Variants in CHSY3 observed in about 807,000 individuals in gnomAD.
CHSY3 encodes chondroitin sulfate synthase 3.
CHSY3 carries 35 observed loss-of-function variants against 67.2 expected under a neutral mutation model. The ratio of observed to expected loss-of-function variants is 0.52; its 90% confidence interval spans 0.40 to 0.69. The LOEUF is 0.69. Ranked by LOEUF, CHSY3 falls within the 30% of genes least tolerant of loss-of-function variation. CHSY3 has a pLI of 0.00. For synonymous variants in CHSY3, 474 were observed against 434.7 expected, an observed-to-expected ratio of 1.09 and a Z score of -1.12; for missense variants, 1,069 against 1,138.5, an observed-to-expected ratio of 0.94 and a Z score of 0.88.
Position 130,186,444 on chromosome 5 carries a change from C to A in CHSY3, c.*653C>A, listed in dbSNP as rs1214592985. ...TCTTATGACAATTATGAGCTCCTCA[C>A]AACTGTCTGCTATAAATGCGAATGA... is the stretch of plus-strand genomic sequence containing the variant. On this transcript the variant is annotated 3_prime_UTR_variant, in exon 3 of 3. Coordinates refer to ENST00000305031, the MANE Select transcript of CHSY3 (RefSeq NM_175856.5). The A allele has an allele frequency of 6.6e-6, 1 of 152,228 alleles. No individual in the cohort carries two copies. The highest frequency in any genetic ancestry group is 1.5e-5 in the Non-Finnish European group (1 of 68,026). 9.4% of individuals were successfully genotyped at this position (152,228 alleles called of 1,614,324 possible). A position where few individuals can be genotyped will look rare whatever the true frequency, so the allele number is the denominator to read the frequency against.
chr5:129,942,419 T>A (rs1761726615), intron 2 of CHSY3, among the ~76,000 whole-genome samples: 1 of 152,202 alleles, frequency 6.6e-6, no homozygotes, highest in African/African-American at 2.4e-5. Context: ...TCAACTTACA[T>A]AAAATTAATT....
At position 130,035,886 on chromosome 5, in the gene CHSY3, GTTTTTTT is replaced by G. The variant is rs1180462327; in HGVS notation, c.1086+127546_1086+127552del. On this transcript the variant is annotated intron_variant, in intron 2 of 2. Transcript: ENST00000305031. ...CCCAAGTCTGGTCATTCATTTGGTT[GTTTTTTT>G]TTTTTTTTTTTTTTTTTTTAGTGTT... 1.5e-4 allele frequency among the ~76,000 whole-genome samples: 10 copies of G among 65,532 alleles called. No homozygotes were observed. The East Asian group carries it at 2.8e-3, about 18-fold the overall frequency. The allele number at this position is 65,532 out of a possible 152,430, so 43.0% of individuals were successfully genotyped here. A position where few individuals can be genotyped will look rare whatever the true frequency, so the allele number is the denominator to read the frequency against.
rs1188282863 is a variant in CHSY3, at chr5:130,178,233, A to ATATATT, written c.1087-5991_1087-5990insTTATAT. Among the ~76,000 whole-genome samples the ATATATT allele has an allele frequency of 3.4e-4, 20 of 58,840 alleles. 1 individual carries two copies. The highest frequency in any genetic ancestry group is 1.8e-3 in the South Asian group (3 of 1,658). The allele number at this position is 58,840 out of a possible 152,430, so 38.6% of individuals were successfully genotyped here. ...TATATGTATATATTTATATTTATAT[A>ATATATT]TATATATATATATATATATATTTTT... On this transcript the variant is annotated intron_variant, in intron 2 of 2. Transcript: ENST00000305031.
chr5:130,140,419 A>T, intron 2 of CHSY3: 2 of 834,396 alleles, frequency 2.4e-6, no homozygotes, highest in East Asian at 2.6e-5. Flanking sequence ...AATTGCAGAA[A>T]CCTACCTTGG....
In CHSY3 at chr5:130,184,867, C is replaced by G. The variant is rs201071616; in HGVS notation, c.1725C>G (p.Thr575=). 2.5e-6 allele frequency: 4 copies of G among 1,591,060 alleles called. No homozygotes were observed. Among genetic ancestry groups the G allele is most frequent in the Non-Finnish European group, 3.5e-6 (4 of 1,159,054 alleles). The change falls in exon 3 of 3, where the codon ACC becomes ACG. Residue 575 remains threonine, a synonymous_variant. Transcript: ENST00000305031. ...TCAGCAAGCCTTTCTTCAGAGAGAC[C>G]GAAGAGCTAGATGTCAACAGTCTTG... ...QLFSKPFFRE[T]EELDVNSLVE...
chr5:130,099,272 C>A (rs1767150111), intron 2 of CHSY3, among the ~76,000 whole-genome samples: 1 of 152,188 alleles, frequency 6.6e-6, no homozygotes, highest in Non-Finnish European at 1.5e-5. Context: ...CCTTTCCAAA[C>A]AGATCTTTCT....
At chr5:129,949,947 T>C (rs1248233316) in intron 2 of CHSY3, among the ~76,000 whole-genome samples, 1 of 152,046 alleles carries the variant, frequency 6.6e-6, no homozygotes, top group African/African-American at 2.4e-5. Context: ...GTGGATCACC[T>C]GAGGTCAGGA....
chr5:130,172,862 T>G (rs1769933962), intron 2 of CHSY3, among the ~76,000 whole-genome samples: 1 of 152,214 alleles, frequency 6.6e-6, no homozygotes, highest in Non-Finnish European at 1.5e-5. Context: ...ATTTGTCGTT[T>G]TGTGACTGGC....
intron 2 of CHSY3, among the ~76,000 whole-genome samples, chr5:130,113,810 T>C (rs1007494476): frequency 6.6e-6 from 1 of 152,174 alleles, no homozygotes; most frequent in African/African-American, 2.4e-5. Flanking sequence ...AACTATATTC[T>C]ACAAAAATAT....
chr5:129,947,698 G>A (rs114867156), intron 2 of CHSY3, among the ~76,000 whole-genome samples: 3,636 of 151,556 alleles, frequency 0.024, 132 homozygotes, highest in African/African-American at 0.08. Context: ...AGTCCATGCT[G>A]TTTTCTATAT....
At chr5:130,001,886 A>G in intron 2 of CHSY3, 1 of 927,132 alleles carries the variant, frequency 1.1e-6, no homozygotes, top group African/African-American at 1.8e-5. Flanking sequence ...ACCAAAAGGT[A>G]ATGGTGGAAG....
chr5:129,936,552 A>G (rs915442574), intron 2 of CHSY3, among the ~76,000 whole-genome samples: 3 of 152,202 alleles, frequency 2.0e-5, no homozygotes, highest in East Asian at 1.9e-4. Context: ...AGGAGCCTGC[A>G]CTATATTTGT....
At chr5:129,959,738 GC>G (rs1248201010) in intron 2 of CHSY3, among the ~76,000 whole-genome samples, 1 of 152,086 alleles carries the variant, frequency 6.6e-6, no homozygotes, top group Non-Finnish European at 1.5e-5. Flanking sequence ...GATGCTGAGA[GC>G]TATAATAAAT....
chr5:129,953,448 A>G (rs1249090679), intron 2 of CHSY3, among the ~76,000 whole-genome samples: 1 of 152,124 alleles, frequency 6.6e-6, no homozygotes, highest in Admixed American at 6.6e-5. Context: ...ATGTGTGTGC[A>G]TGTGTCTTTA....
intron 2 of CHSY3, among the ~76,000 whole-genome samples, chr5:129,994,475 C>G (rs1763468692): frequency 6.6e-6 from 1 of 152,128 alleles, no homozygotes; most frequent in Non-Finnish European, 1.5e-5. Flanking sequence ...TCTTCCATCA[C>G]TGATACCCTT....
rs746951895 is a variant in CHSY3, at chr5:129,905,158, AGCAGCGGCG to A, written c.332_340del (p.Gln111_Arg113del). On this transcript the variant is annotated inframe_deletion, in exon 1 of 3. Transcript: ENST00000305031. ...CCCTGGCAGCAGCCACCTCCGCTGC[AGCAGCGGCG>A]GCGAGGACGCGAGCCTGAGGGCGCG... 16 of 1,527,206 alleles carry A rather than the reference AGCAGCGGCG, an allele frequency of 1.0e-5. No individual in the cohort carries two copies. The East Asian group carries it at 3.8e-4, about 36-fold the overall frequency. The allele number at this position is 1,527,206 out of a possible 1,614,324, so 94.6% of individuals were successfully genotyped here. A position where few individuals can be genotyped will look rare whatever the true frequency, so the allele number is the denominator to read the frequency against.
chr5:130,185,386 C>T lies in CHSY3; in HGVS notation c.2244C>T (p.Ser748=). The T allele has an allele frequency of 2.5e-6, 4 of 1,609,366 alleles. No individual in the cohort carries two copies. The highest frequency in any genetic ancestry group is 3.4e-6 in the Non-Finnish European group (4 of 1,175,692). ...AGGTGTACTATCCCATCATCTTTAGCCAGTATGACCCAAAGGTAACAAACG... is the reference window on the plus strand; with the variant it reads ...AGGTGTACTATCCCATCATCTTTAGTCAGTATGACCCAAAGGTAACAAACG... ...GQQVYYPIIF[S]QYDPKVTNGG... Residue 748 remains serine, a synonymous_variant, in exon 3 of 3, where the codon AGC becomes AGT. Coordinates refer to ENST00000305031, the MANE Select transcript of CHSY3 (RefSeq NM_175856.5).
intron 2 of CHSY3, among the ~76,000 whole-genome samples, chr5:130,166,642 G>T (rs974074693): frequency 6.6e-6 from 1 of 152,078 alleles, no homozygotes; most frequent in African/African-American, 2.4e-5. Flanking sequence ...GCAGTGTTGT[G>T]CCCATGCAGA....
intron 2 of CHSY3, among the ~76,000 whole-genome samples, chr5:130,055,101 T>C (rs1341444265): frequency 6.6e-6 from 1 of 152,168 alleles, no homozygotes; most frequent in African/African-American, 2.4e-5. Flanking sequence ...CTCTGTCTTC[T>C]GATACGTATA....
Sources: allele counts gnomAD v4.1 joint callset (sites outside exome capture counted in the v4.1 genomes callset), GRCh38; gene constraint gnomAD v4.1.1; transcripts MANE v1.5; gene names NCBI Gene and HGNC (gene_info 2026-07-23, HGNC 2026-07-21).